Variants in GGT7 observed in about 807,000 individuals in gnomAD.
GGT7 encodes the protein gamma-glutamyltransferase 7.
Under a neutral mutation model 69.2 loss-of-function variants are expected in GGT7, and 30 were observed. The ratio of observed to expected loss-of-function variants is 0.43; its 90% CI spans 0.32 to 0.59. The LOEUF is 0.59. Ranked by LOEUF, GGT7 falls within the 20% of genes least tolerant of loss-of-function variation. The probability of loss-of-function intolerance (pLI) is 0.05; values close to 1 mark genes in which losing one functional copy is unlikely to be tolerated. For synonymous variants in GGT7, 388 were observed against 391.8 expected, an observed-to-expected ratio of 0.99 and a Z score of 0.12; for missense variants, 733 against 901.1, an observed-to-expected ratio of 0.81 and a Z score of 2.39.
chr20:34,850,244 G>A (rs2079367347), intron 13 of GGT7, 184 bp from the exon 14 acceptor site: 3 of 762,656 alleles, frequency 3.9e-6, no homozygotes, highest in Non-Finnish European at 7.2e-6. Context: ...TTCACAGAGA[G>A]GGAAAGTGAA....
At chr20:34,850,443 G>C (rs368059121) in intron 13 of GGT7, among the ~76,000 whole-genome samples, 1 of 152,160 alleles carries the variant, frequency 6.6e-6, no homozygotes, top group Non-Finnish European at 1.5e-5. Context: ...AGTGTGCGTA[G>C]GCTCTGGAAC....
At chr20:34,871,773 G>A (rs1371564262) in intron 1 of GGT7, among the ~76,000 whole-genome samples, 1 of 152,242 alleles carries the variant, frequency 6.6e-6, no homozygotes, top group Non-Finnish European at 1.5e-5. Flanking sequence ...ATGCCAGGAA[G>A]TGACGTGCAG....
intron 13 of GGT7, among the ~76,000 whole-genome samples, chr20:34,850,629 G>A (rs1477534251): frequency 6.6e-6 from 1 of 152,192 alleles, no homozygotes; most frequent in East Asian, 1.9e-4. Flanking sequence ...CTCTTTAAAT[G>A]TTAGCTATTG....
chr20:34,860,565 A>G (rs2079575629), intron 4 of GGT7, among the ~76,000 whole-genome samples: 1 of 151,636 alleles, frequency 6.6e-6, no homozygotes, highest in East Asian at 1.9e-4. Context: ...AATTAAGCAA[A>G]ACTCTTTTAA....
chr20:34,854,528 C>T lies in GGT7; in HGVS notation c.1319+3G>A. On this transcript the variant is annotated splice_donor_region_variant and intron_variant, in intron 10 of 14. Transcript: ENST00000336431. Reference sequence around the variant, plus strand: ...TAGCCCCCAGGTCCTGCCCAAGACCCACCTGAGCATGTCATCCATGCTCTC... The same window carrying T: ...TAGCCCCCAGGTCCTGCCCAAGACCTACCTGAGCATGTCATCCATGCTCTC... The T allele has an allele frequency of 1.9e-6, 3 of 1,590,434 alleles. No individual in the cohort carries two copies. Among genetic ancestry groups the T allele is most frequent in the Non-Finnish European group, 2.6e-6 (3 of 1,158,668 alleles).
intron 14 of GGT7, among the ~76,000 whole-genome samples, chr20:34,846,308 CTTTCTTT>C (rs1568926506): frequency 1.3e-5 from 1 of 75,112 alleles, no homozygotes; most frequent in Non-Finnish European, 2.5e-5. Context: ...TTCTTTCTTT[CTTTCTTT>C]TTTTTGAGGC....
intron 10 of GGT7, 37 bp downstream of exon 10, chr20:34,854,494 C>T (rs1344880299): frequency 6.2e-6 from 8 of 1,286,454 alleles, no homozygotes; most frequent in African/African-American, 1.5e-5. Flanking sequence ...ACACCCACCG[C>T]TGCCTCTGTA....
Position 34,872,674 on chromosome 20 carries a change from C to A in GGT7, c.142G>T (p.Asp48Tyr). ...GTGTCGGGGTCTCCCAGAAAGGCGT[C>A]CTCGTCCTTGCGGCCCCTCAGCGGG... ...AAPLRGRKDE[D>Y]AFLGDPDTDP... The change falls in exon 1 of 15, where the codon GAC (aspartate) becomes TAC (tyrosine). Residue 48 changes from aspartate (D) to tyrosine (Y), a missense_variant. Physicochemically the swap from Asp to Tyr is radical, Grantham distance 160 (BLOSUM62 -3). Coordinates refer to ENST00000336431, the MANE Select transcript of GGT7 (RefSeq NM_178026.3). The A allele has an allele frequency of 6.7e-7, 1 of 1,482,288 alleles. No homozygotes were observed. Among genetic ancestry groups the A allele is most frequent in the Non-Finnish European group, 8.9e-7 (1 of 1,122,092 alleles). The allele number at this position is 1,482,288 out of a possible 1,614,324, so 91.8% of individuals were successfully genotyped here. A position where few individuals can be genotyped will look rare whatever the true frequency, so the allele number is the denominator to read the frequency against.
intron 1 of GGT7, among the ~76,000 whole-genome samples, chr20:34,868,307 A>G (rs2079725840): frequency 6.6e-6 from 1 of 152,248 alleles, no homozygotes; most frequent in African/African-American, 2.4e-5. Context: ...AAAAATATTT[A>G]CTGAGTACCT....
Position 34,844,949 on chromosome 20 carries a change from A to T in GGT7, c.*379T>A. ...GGAACTGGAAGACAAGGCCCAGGTC[A>T]GGCCAGTCTGAAGATGTTGGGGTTG... On this transcript the variant is annotated 3_prime_UTR_variant, in exon 15 of 15. Transcript: ENST00000336431. 4.8e-6 allele frequency: 1 copy of T among 206,830 alleles called. No homozygotes were observed. Among genetic ancestry groups the T allele is most frequent in the Non-Finnish European group, 9.8e-6 (1 of 102,248 alleles). The allele number at this position is 206,830 out of a possible 1,614,324, so 12.8% of individuals were successfully genotyped here. A position where few individuals can be genotyped will look rare whatever the true frequency, so the allele number is the denominator to read the frequency against.
chr20:34,854,413 T>G, intron 10 of GGT7, 118 bp downstream of exon 10: 1 of 636,990 alleles, frequency 1.6e-6, no homozygotes, highest in Non-Finnish European at 2.8e-6. Context: ...GAGTTGGGGT[T>G]GAGCTGAAAT....
chr20:34,851,455 T>C, intron 12 of GGT7, 87 bp from the exon 13 acceptor site: 5 of 1,334,610 alleles, frequency 3.7e-6, no homozygotes, highest in Non-Finnish European at 5.2e-6. Flanking sequence ...CCAACTGCTC[T>C]CCCTCTTCTA....
chr20:34,860,106 AG>A (rs1381022839), intron 5 of GGT7, 64 bp from the exon 6 acceptor site: 13 of 314,226 alleles, frequency 4.1e-5, no homozygotes, highest in Admixed American at 1.0e-4. Flanking sequence ...GTCCGGGGGG[AG>A]GGGGGTTCCT....
chr20:34,857,012 C>T, intron 7 of GGT7, 119 bp from the exon 8 acceptor site: 1 of 710,288 alleles, frequency 1.4e-6, no homozygotes, highest in South Asian at 1.6e-5. Context: ...TTCTGCAACC[C>T]CCATCGTGGC....
rs1477926349 is a variant in GGT7 at position 34,852,404 on chromosome 20, A to G, written c.1454T>C (p.Ile485Thr). ...QVLIMGPDDF[I>T]VAMVSSLNQP... ...GCTGGCATACCTAACCATGGCCACA[A>G]TGAAGTCATCAGGTCCCATGATCAG... Residue 485 changes from isoleucine (I) to threonine (T), a missense_variant, in exon 11 of 15, where the codon ATT becomes ACT. Ile to Thr is a moderately conservative substitution (Grantham distance 89). Coordinates refer to ENST00000336431, the MANE Select transcript of GGT7 (RefSeq NM_178026.3). The G allele has an allele frequency of 3.7e-6, 6 of 1,614,000 alleles. No individual in the cohort carries two copies. The highest frequency in any genetic ancestry group is 5.1e-6 in the Non-Finnish European group (6 of 1,180,028).
intron 14 of GGT7, 66 bp from the exon 15 acceptor site, chr20:34,845,557 T>C (rs1306295097): frequency 7.1e-7 from 1 of 1,406,418 alleles, no homozygotes; most frequent in East Asian, 2.3e-5. Context: ...AGTCCTACAG[T>C]CAGACCTGAG....
At chr20:34,865,313 C>T (rs2146926597) in intron 1 of GGT7, among the ~76,000 whole-genome samples, 1 of 152,260 alleles carries the variant, frequency 6.6e-6, no homozygotes, top group South Asian at 2.1e-4. Flanking sequence ...GCTCAGCTTC[C>T]TGAGTAGTTG....
chr20:34,856,987 T>G (rs913347425), intron 7 of GGT7, 94 bp from the exon 8 acceptor site: 1 of 800,668 alleles, frequency 1.2e-6, no homozygotes, highest in African/African-American at 1.7e-5. Flanking sequence ...ATCAGCTGTT[T>G]ATAACTTCTG....
intron 14 of GGT7, 52 bp downstream of exon 14, chr20:34,849,909 T>C: frequency 8.8e-7 from 1 of 1,138,134 alleles, no homozygotes; most frequent in Non-Finnish European, 1.3e-6. Flanking sequence ...GGAGGAGTCC[T>C]TTCTCTACCT....
Sources: gnomAD v4.1 joint callset for allele counts (sites outside exome capture counted in the v4.1 genomes callset) on GRCh38, gnomAD v4.1.1 for gene constraint, MANE v1.5 for transcripts, NCBI Gene and HGNC (gene_info 2026-07-23, HGNC 2026-07-21) for gene names.